Variants in UBE2E2 observed in about 807,000 individuals in gnomAD.
UBE2E2 encodes ubiquitin conjugating enzyme E2 E2.
Under a neutral mutation model 24.7 loss-of-function variants are expected in UBE2E2, and 6 were observed. The ratio of observed to expected loss-of-function variants is 0.24; its 90% CI spans 0.13 to 0.48. UBE2E2 has a LOEUF of 0.48. Ranked by LOEUF, UBE2E2 falls within the 20% of genes least tolerant of loss-of-function variation. The pLI is 0.99. For missense variants in UBE2E2, 169 were observed against 245.0 expected, an observed-to-expected ratio of 0.69 and a Z score of 2.07; for synonymous variants, 104 against 83.6, an observed-to-expected ratio of 1.24 and a Z score of -1.33.
At chr3:23,472,694 G>GCTGCA (rs1699054558) in intron 3 of UBE2E2, among the ~76,000 whole-genome samples, 2 of 150,812 alleles carry the variant, frequency 1.3e-5, no homozygotes, top group Non-Finnish European at 2.9e-5. Context: ...TGTCACCCAG[G>GCTGCA]CTGGAGTGCA....
chr3:23,215,702 C>T (rs915728296), intron 2 of UBE2E2, among the ~76,000 whole-genome samples: 4 of 152,040 alleles, frequency 2.6e-5, no homozygotes, highest in East Asian at 1.9e-4. Flanking sequence ...CATTGGTGAC[C>T]ACCACCCTTC....
At chr3:23,214,289 C>CTCT (rs1696412616) in intron 2 of UBE2E2, among the ~76,000 whole-genome samples, 1 of 151,992 alleles carries the variant, frequency 6.6e-6, no homozygotes, top group South Asian at 2.1e-4. Context: ...CAGGGTCTTA[C>CTCT]TCTTGCACAG....
At chr3:23,298,178 A>C (rs1317170930) in intron 3 of UBE2E2, among the ~76,000 whole-genome samples, 1 of 152,166 alleles carries the variant, frequency 6.6e-6, no homozygotes, top group African/African-American at 2.4e-5. Flanking sequence ...CAGCTTGAGG[A>C]GATTTTGGGC....
chr3:23,242,718 T>G lies in UBE2E2; in HGVS notation c.227+25406T>G, dbSNP rs1418372611. 2.6e-5 allele frequency among the ~76,000 whole-genome samples: 4 copies of G among 152,206 alleles called. No individual in the cohort carries two copies. In the East Asian group the frequency reaches 7.7e-4, roughly 29 times the overall value. On this transcript the variant is annotated intron_variant, in intron 3 of 5. Coordinates refer to ENST00000396703, the MANE Select transcript of UBE2E2 (RefSeq NM_152653.4). ...CTAATTATTGCCATTAAGGTGGCAT[T>G]AAGTTAGTAAATTGGGTAAATAAAC... is the stretch of plus-strand genomic sequence containing the variant.
chr3:23,203,240 C>T, upstream of UBE2E2: 1 of 988,140 alleles, frequency 1.0e-6, no homozygotes, highest in Non-Finnish European at 1.2e-6. Context: ...CGGCCGGGGG[C>T]GGCGGCAGCG....
chr3:23,301,475 T>C (rs558847303), intron 3 of UBE2E2, among the ~76,000 whole-genome samples: 209 of 152,354 alleles, frequency 1.4e-3, no homozygotes, highest in African/African-American at 4.8e-3. Flanking sequence ...GGATGTCCTT[T>C]CTGTTTGTTA....
At chr3:23,544,426 A>G (rs1371564295) in intron 5 of UBE2E2, among the ~76,000 whole-genome samples, 1 of 152,186 alleles carries the variant, frequency 6.6e-6, no homozygotes, top group Non-Finnish European at 1.5e-5. Flanking sequence ...AGATATACAA[A>G]CGGCCAAGAA....
At chr3:23,282,565 G>C (rs1250111468) in intron 3 of UBE2E2, among the ~76,000 whole-genome samples, 1 of 152,106 alleles carries the variant, frequency 6.6e-6, no homozygotes, top group Non-Finnish European at 1.5e-5. Flanking sequence ...AAATTGCTTT[G>C]TATGCTTTAG....
chr3:23,570,954 C>T (rs1350845186), intron 5 of UBE2E2, among the ~76,000 whole-genome samples: 1 of 152,138 alleles, frequency 6.6e-6, no homozygotes, highest in Non-Finnish European at 1.5e-5. Flanking sequence ...AACAATAAAT[C>T]AAGTCCTGAT....
chr3:23,350,607 G>C lies in UBE2E2; in HGVS notation c.227+133295G>C, dbSNP rs1039865270. On this transcript the variant is annotated intron_variant, in intron 3 of 5. Coordinates refer to ENST00000396703, the MANE Select transcript of UBE2E2 (RefSeq NM_152653.4). ...GAAGAATACAGAAGCCTCAGGAGCC[G>C]ATGTGATCAACTGGAAGAAAGGGTA... Among the ~76,000 whole-genome samples, 28 of 152,198 alleles carry C rather than the reference G, an allele frequency of 1.8e-4. 1 individual carries two copies. The highest frequency in any genetic ancestry group is 1.8e-3 in the Admixed American group (28 of 15,280).
intron 3 of UBE2E2, among the ~76,000 whole-genome samples, chr3:23,431,466 A>T (rs1354759209): frequency 6.6e-6 from 1 of 150,682 alleles, no homozygotes; most frequent in African/African-American, 2.4e-5. Flanking sequence ...GGAAAATGCT[A>T]TGAGTACAAT....
chr3:23,368,036 G>A (rs1377657744), intron 3 of UBE2E2, among the ~76,000 whole-genome samples: 1 of 152,062 alleles, frequency 6.6e-6, no homozygotes, highest in Non-Finnish European at 1.5e-5. Flanking sequence ...TTTGGCTTTG[G>A]TCTAATTTTG....
chr3:23,423,863 C>T (rs1697860571), intron 3 of UBE2E2, among the ~76,000 whole-genome samples: 1 of 152,106 alleles, frequency 6.6e-6, no homozygotes, highest in South Asian at 2.1e-4. Context: ...GAATGAGGGC[C>T]CTCCCTTAGC....
chr3:23,393,074 T>A (rs185386559), intron 3 of UBE2E2, among the ~76,000 whole-genome samples: 59 of 152,318 alleles, frequency 3.9e-4, no homozygotes, highest in African/African-American at 1.4e-3. Flanking sequence ...AATCAGATTC[T>A]CATCTTACAG....
intron 5 of UBE2E2, among the ~76,000 whole-genome samples, chr3:23,543,781 A>G (rs1193170126): frequency 6.6e-6 from 1 of 152,214 alleles, no homozygotes; most frequent in African/African-American, 2.4e-5. Flanking sequence ...AGCAAAAAGA[A>G]CAAAGCTAGA....
intron 3 of UBE2E2, among the ~76,000 whole-genome samples, chr3:23,295,730 A>G (rs13060251): frequency 0.074 from 11,327 of 152,078 alleles, 549 homozygotes; most frequent in Non-Finnish European, 0.092. Flanking sequence ...CAGCCTTTGG[A>G]TTTGTTGTAT....
chr3:23,421,095 G>A (rs1697785733), intron 3 of UBE2E2, among the ~76,000 whole-genome samples: 1 of 152,350 alleles, frequency 6.6e-6, no homozygotes, highest in South Asian at 2.1e-4. Context: ...TCTACTGTGT[G>A]CACTAGTAGT....
At chr3:23,233,430 A>G (rs972601041) in intron 3 of UBE2E2, among the ~76,000 whole-genome samples, 1 of 152,202 alleles carries the variant, frequency 6.6e-6, no homozygotes, top group African/African-American at 2.4e-5. Context: ...TTTGCATTTT[A>G]AGAGGGGGTG....
intron 3 of UBE2E2, among the ~76,000 whole-genome samples, chr3:23,352,817 T>A (rs148538682): frequency 6.6e-6 from 1 of 152,210 alleles, no homozygotes; most frequent in African/African-American, 2.4e-5. Context: ...AAGGAGGAAC[T>A]GGTACGATTC....
Sources: gnomAD v4.1 joint callset for allele counts (sites outside exome capture counted in the v4.1 genomes callset) on GRCh38, gnomAD v4.1.1 for gene constraint, MANE v1.5 for transcripts, NCBI Gene and HGNC (gene_info 2026-07-23, HGNC 2026-07-21) for gene names.